The following HES7 variants were observed in gnomAD, a reference collection of about 807,000 sequenced individuals.
HES7 encodes the protein transcription factor HES-7.
In HES7, 8 loss-of-function variants were observed where a neutral mutation model predicts 18.0. The ratio of observed to expected loss-of-function variants is 0.45; its 90% CI spans 0.26 to 0.80. The LOEUF is 0.80. Ranked by LOEUF, HES7 falls within the 30% of genes least tolerant of loss-of-function variation. HES7 has a pLI of 0.18. For missense variants in HES7, 356 were observed against 340.9 expected, an observed-to-expected ratio of 1.04 and a Z score of -0.35; for synonymous variants, 170 against 158.6, an observed-to-expected ratio of 1.07 and a Z score of -0.54.
At chr17:8,125,683 TGTCCGG>T (rs113463257), upstream of HES7, among the ~76,000 whole-genome samples, 122 of 152,298 alleles carry the variant, frequency 8.0e-4, 1 homozygote, top group African/African-American at 2.9e-3. Context: ...CACCGTTGCC[TGTCCGG>T]GTCCGCCTCA....
rs1348325 is a variant in HES7 at position 8,122,394 on chromosome 17, A to G, written c.175T>C (p.Leu59=). The change falls in exon 3 of 4, where the codon TTG becomes CTG. Residue 59 remains leucine, a synonymous_variant. Transcript: ENST00000541682. This position sits in a 1 kb window ranked among gnomAD's most constrained non-coding sequence, Gnocchi z 6.9. Reference sequence around the variant, plus strand: ...CTCAAGTAGCCCACGGCGAACTCCAATATCTCCGCTTTCTCCAGCTTCGGG... The same window carrying G: ...CTCAAGTAGCCCACGGCGAACTCCAGTATCTCCGCTTTCTCCAGCTTCGGG... ...RNPKLEKAEI[L]EFAVGYLRER... 182,140 of 1,596,142 alleles carry G rather than the reference A, an allele frequency of 0.11. 13,292 individuals carry two copies. The highest frequency in any genetic ancestry group is 0.35 in the African/African-American group (25,982 of 74,316).
At position 8,122,879 on chromosome 17, in the gene HES7, T is replaced by TGGGG; in HGVS notation, c.138+148_138+151dup. ...AAGAAGATCGCGTTCTGAGAGCGAG[T>TGGGG]GGGGGTCTGGGATGGAATTCCAAAG... On this transcript the variant is annotated intron_variant, in intron 2 of 3. Transcript: ENST00000541682. This position sits in a 1 kb window ranked among gnomAD's most constrained non-coding sequence, Gnocchi z 6.9. The TGGGG allele has an allele frequency of 1.4e-6, 1 of 701,134 alleles. No homozygotes were observed. Among genetic ancestry groups the TGGGG allele is most frequent in the Non-Finnish European group, 2.6e-6 (1 of 378,242 alleles). 43.4% of individuals were successfully genotyped at this position (701,134 alleles called of 1,614,324 possible). A position where few individuals can be genotyped will look rare whatever the true frequency, so the allele number is the denominator to read the frequency against.
At chr17:8,124,807 GA>G (rs948000549), upstream of HES7, among the ~76,000 whole-genome samples, 15 of 152,204 alleles carry the variant, frequency 9.9e-5, no homozygotes, top group Admixed American at 2.6e-4. Flanking sequence ...GGTGCTCCGG[GA>G]AAAGGTCTCC....
In HES7 at chr17:8,121,491, G is replaced by T; in HGVS notation, c.*80C>A. ...TGCCCTCCCCAACACCTGCTCGCCC[G>T]GACGCCCGGGTCCCTCTGCTGCCCT... is the stretch of plus-strand genomic sequence containing the variant. On this transcript the variant is annotated 3_prime_UTR_variant, in exon 4 of 4. Coordinates refer to ENST00000541682, the MANE Select transcript of HES7 (RefSeq NM_001165967.2). 1 of 1,215,606 alleles carries T rather than the reference G, an allele frequency of 8.2e-7. No homozygotes were observed. Among genetic ancestry groups the T allele is most frequent in the South Asian group, 3.4e-5 (1 of 29,434 alleles). 75.3% of individuals were successfully genotyped at this position (1,215,606 alleles called of 1,614,324 possible). A position where few individuals can be genotyped will look rare whatever the true frequency, so the allele number is the denominator to read the frequency against.
chr17:8,122,021 C>A lies in HES7; in HGVS notation c.243G>T (p.Gly81=). The A allele has an allele frequency of 6.6e-7, 1 of 1,514,952 alleles. No individual in the cohort carries two copies. Among genetic ancestry groups the A allele is most frequent in the Non-Finnish European group, 8.8e-7 (1 of 1,139,882 alleles). 93.8% of individuals were successfully genotyped at this position (1,514,952 alleles called of 1,614,324 possible). The change falls in exon 4 of 4, where the codon GGG becomes GGT. Residue 81 remains glycine, a synonymous_variant. Coordinates refer to ENST00000541682, the MANE Select transcript of HES7 (RefSeq NM_001165967.2). This position sits in a 1 kb window ranked among gnomAD's most constrained non-coding sequence, Gnocchi z 6.9. ...CGTCCTGGACTGGGGACCGGGGAAC[C>A]CCTGGAGCCGCGGCGGCTGGTGCGG... ...RVEPPAAAAP[G]VPRSPVQDAE... is the part of the protein sequence containing the mutation.
chr17:8,121,785 C>A lies in HES7; in HGVS notation c.479G>T (p.Gly160Val). The change falls in exon 4 of 4, where the codon GGC becomes GTC. Residue 160 changes from glycine (G) to valine (V), a missense_variant. Coordinates refer to ENST00000541682, the MANE Select transcript of HES7 (RefSeq NM_001165967.2). ...TGGGGGGCGCTGGTGCAGCGCAGGGCCAAGGGCCGGTGCGGCGGGGTCCAG... is the reference window on the plus strand; with the variant it reads ...TGGGGGGCGCTGGTGCAGCGCAGGGACAAGGGCCGGTGCGGCGGGGTCCAG... The part of the protein sequence containing the change: ...PSLDPAAPAL[G>V]PALHQRPPVH... 6.4e-7 allele frequency: 1 copy of A among 1,550,982 alleles called. No homozygotes were observed. The highest frequency in any genetic ancestry group is 8.6e-7 in the Non-Finnish European group (1 of 1,160,628).
upstream of HES7, chr17:8,124,183 T>A: frequency 6.9e-7 from 1 of 1,444,056 alleles, no homozygotes. Context: ...CCCGCCCCCT[T>A]CGACATCCAG....
rs1981471426 is a variant in HES7, at chr17:8,123,513, T to C, written c.43-387A>G. 4 of 340,446 alleles carry C rather than the reference T, an allele frequency of 1.2e-5. No homozygotes were observed. Among genetic ancestry groups the C allele is most frequent in the Non-Finnish European group, 1.6e-5 (3 of 181,900 alleles). 21.1% of individuals were successfully genotyped at this position (340,446 alleles called of 1,614,324 possible). On this transcript the variant is annotated intron_variant, in intron 1 of 3. Transcript: ENST00000541682. The surrounding 1 kb of genome is among the most constrained non-coding windows in gnomAD (Gnocchi z 5.9). Reference sequence around the variant, plus strand: ...GGCTCAGACCTGGCGGCCCTGAGTATAGAAAGGGAGATACCTAGCGCGACC... The same window carrying C: ...GGCTCAGACCTGGCGGCCCTGAGTACAGAAAGGGAGATACCTAGCGCGACC...
Position 8,121,518 on chromosome 17 carries a change from G to C in HES7, c.*53C>G, listed in dbSNP as rs988929677. The C allele has an allele frequency of 7.9e-7, 1 of 1,264,842 alleles. No homozygotes were observed. Among genetic ancestry groups the C allele is most frequent in the African/African-American group, 1.6e-5 (1 of 64,322 alleles). The allele number at this position is 1,264,842 out of a possible 1,614,324, so 78.4% of individuals were successfully genotyped here. A position where few individuals can be genotyped will look rare whatever the true frequency, so the allele number is the denominator to read the frequency against. On this transcript the variant is annotated 3_prime_UTR_variant, in exon 4 of 4. Transcript: ENST00000541682. ...ACGCCCGGGTCCCTCTGCTGCCCTC[G>C]GGCTGGAGTCTCTACCCCACCCCTA...
At position 8,123,387 on chromosome 17, in the gene HES7, C is replaced by A. The variant is rs938461605; in HGVS notation, c.43-261G>T. ...CTCCTCCCCTCTCTGTGTCTCTCCT[C>A]CTCTTTTCTCTCTACGTCTCCGTCT... On this transcript the variant is annotated intron_variant, in intron 1 of 3. Transcript: ENST00000541682. The surrounding 1 kb of genome is among the most constrained non-coding windows in gnomAD (Gnocchi z 5.9). The A allele has an allele frequency of 7.0e-6, 4 of 569,984 alleles. No individual in the cohort carries two copies. The highest frequency in any genetic ancestry group is 1.3e-5 in the Non-Finnish European group (4 of 317,560). 35.3% of individuals were successfully genotyped at this position (569,984 alleles called of 1,614,324 possible). A position where few individuals can be genotyped will look rare whatever the true frequency, so the allele number is the denominator to read the frequency against.
Position 8,122,331 on chromosome 17 carries a change from C to A in HES7, c.226+12G>T. On this transcript the variant is annotated intron_variant, in intron 3 of 3. Coordinates refer to ENST00000541682, the MANE Select transcript of HES7 (RefSeq NM_001165967.2). The surrounding 1 kb of genome is among the most constrained non-coding windows in gnomAD (Gnocchi z 6.9). ...CCCTCCCTCCCTCCGCTGCCCCACC[C>A]CCGCGCTGTACCCGGGGGCTCCACC... 5 of 1,574,380 alleles carry A rather than the reference C, an allele frequency of 3.2e-6. No homozygotes were observed. Among genetic ancestry groups the A allele is most frequent in the Non-Finnish European group, 4.3e-6 (5 of 1,159,254 alleles).
chr17:8,122,765 C>T lies in HES7; in HGVS notation c.138+266G>A, dbSNP rs528809643. Among the ~76,000 whole-genome samples, 41 of 152,192 alleles carry T rather than the reference C, an allele frequency of 2.7e-4. No homozygotes were observed. The highest frequency in any genetic ancestry group is 9.1e-4 in the African/African-American group (38 of 41,536). On this transcript the variant is annotated intron_variant, in intron 2 of 3. Coordinates refer to ENST00000541682, the MANE Select transcript of HES7 (RefSeq NM_001165967.2). The surrounding 1 kb of genome is among the most constrained non-coding windows in gnomAD (Gnocchi z 6.9). The stretch of plus-strand genomic sequence containing the variant: ...TGGCTGTGGGGGAGGGGGAACCGGA[C>T]ACTTAGAGACCCAAAGGGTGAAACT...
chr17:8,121,750 C>T lies in HES7; in HGVS notation c.514G>A (p.Gly172Ser), dbSNP rs1981340739. Residue 172 changes from glycine (G) to serine (S), a missense_variant, in exon 4 of 4, where the codon GGC (glycine) becomes AGC (serine). Physicochemically the swap from Gly to Ser is moderately conservative, Grantham distance 56 (BLOSUM62 0). Coordinates refer to ENST00000541682, the MANE Select transcript of HES7 (RefSeq NM_001165967.2). ...ALHQRPPVHQ[G>S]HPSPRCAWSP... ...CATGCGCAGCGCGGGCTAGGGTGGC[C>T]CTGGTGCACTGGGGGGCGCTGGTGC... 2 of 1,480,530 alleles carry T rather than the reference C, an allele frequency of 1.4e-6. No homozygotes were observed. The highest frequency in any genetic ancestry group is 1.8e-6 in the Non-Finnish European group (2 of 1,128,330). 91.7% of individuals were successfully genotyped at this position (1,480,530 alleles called of 1,614,324 possible).
Position 8,122,346 on chromosome 17 carries a change from G to A in HES7, c.223C>T (p.Pro75Ser). The change falls in exon 3 of 4, where the codon CCG (proline) becomes TCG (serine). Residue 75 changes from proline (P) to serine (S), a missense_variant. Physicochemically the swap from Pro to Ser is moderately conservative, Grantham distance 74 (BLOSUM62 -1). Transcript: ENST00000541682. The surrounding 1 kb of genome is among the most constrained non-coding windows in gnomAD (Gnocchi z 6.9). ...CTGCCCCACCCCCGCGCTGTACCCG[G>A]GGGCTCCACCCGGCTTCGCTCCCTC... is the stretch of plus-strand genomic sequence containing the variant. Reference protein sequence around the residue: ...YLRERSRVEPPAAAAPGVPRS... With the variant: ...YLRERSRVEPSAAAAPGVPRS... The A allele has an allele frequency of 1.3e-6, 2 of 1,589,064 alleles. No individual in the cohort carries two copies. The highest frequency in any genetic ancestry group is 1.7e-6 in the Non-Finnish European group (2 of 1,167,840).
chr17:8,123,232 A>G lies in HES7; in HGVS notation c.43-106T>C. On this transcript the variant is annotated intron_variant, in intron 1 of 3. Coordinates refer to ENST00000541682, the MANE Select transcript of HES7 (RefSeq NM_001165967.2). This position sits in a 1 kb window ranked among gnomAD's most constrained non-coding sequence, Gnocchi z 5.9. ...GGAGAGCCCGGCTTCCACCCCGGCC[A>G]CAAGACCCCAGATTGCCTAGGGCCG... The G allele has an allele frequency of 1.2e-6, 1 of 847,604 alleles. No individual in the cohort carries two copies. The highest frequency in any genetic ancestry group is 1.9e-6 in the Non-Finnish European group (1 of 517,958). 52.5% of individuals were successfully genotyped at this position (847,604 alleles called of 1,614,324 possible). A position where few individuals can be genotyped will look rare whatever the true frequency, so the allele number is the denominator to read the frequency against.
chr17:8,125,440 C>G (rs754559560), upstream of HES7, among the ~76,000 whole-genome samples: 1 of 152,220 alleles, frequency 6.6e-6, no homozygotes, highest in Non-Finnish European at 1.5e-5. Flanking sequence ...AATGGGAACG[C>G]AAATGTGTGT....
In HES7 at chr17:8,122,950, G is replaced by C. The variant is rs1161838285; in HGVS notation, c.138+81C>G. ...CCTTGGGGCCAGGGTTGCCAACCAA[G>C]CTTGTGTCCCCACCCCAGTGGGAAG... On this transcript the variant is annotated intron_variant, in intron 2 of 3. Transcript: ENST00000541682. The surrounding 1 kb of genome is among the most constrained non-coding windows in gnomAD (Gnocchi z 6.9). 8.5e-7 allele frequency: 1 copy of C among 1,174,044 alleles called. No individual in the cohort carries two copies. Among genetic ancestry groups the C allele is most frequent in the Non-Finnish European group, 1.2e-6 (1 of 802,864 alleles). 72.7% of individuals were successfully genotyped at this position (1,174,044 alleles called of 1,614,324 possible). A position where few individuals can be genotyped will look rare whatever the true frequency, so the allele number is the denominator to read the frequency against.
chr17:8,121,904 G>A lies in HES7; in HGVS notation c.360C>T (p.Arg120=). The A allele has an allele frequency of 6.4e-7, 1 of 1,566,626 alleles. No homozygotes were observed. Among genetic ancestry groups the A allele is most frequent in the Non-Finnish European group, 8.6e-7 (1 of 1,167,204 alleles). ...CGTGCAGCGCGGAGAAGAGCTGGGC[G>A]CGGGCGGCCGGGCTGGCGTCGTGCG... ...AFAHDASPAA[R]AQLFSALHGY... The change falls in exon 4 of 4, where the codon CGC becomes CGT. Residue 120 remains arginine, a synonymous_variant. Coordinates refer to ENST00000541682, the MANE Select transcript of HES7 (RefSeq NM_001165967.2).
Position 8,123,932 on chromosome 17 carries a change from C to T in HES7, c.42+111G>A. 1 of 1,222,264 alleles carries T rather than the reference C, an allele frequency of 8.2e-7. No homozygotes were observed. The highest frequency in any genetic ancestry group is 1.2e-6 in the Non-Finnish European group (1 of 845,922). 75.7% of individuals were successfully genotyped at this position (1,222,264 alleles called of 1,614,324 possible). On this transcript the variant is annotated intron_variant, in intron 1 of 3. Coordinates refer to ENST00000541682, the MANE Select transcript of HES7 (RefSeq NM_001165967.2). The surrounding 1 kb of genome is among the most constrained non-coding windows in gnomAD (Gnocchi z 5.9). ...TTCTGGCTCCTGGAGTTCTGGAGCACCGCTCCCCTTCCACCCCTGCGTCCC... is the reference window on the plus strand; with the variant it reads ...TTCTGGCTCCTGGAGTTCTGGAGCATCGCTCCCCTTCCACCCCTGCGTCCC...
Sources: gnomAD v4.1 joint callset for allele counts (sites outside exome capture counted in the v4.1 genomes callset) on GRCh38, gnomAD v4.1.1 for gene constraint, Gnocchi (gnomAD v3.1) non-coding constraint, MANE v1.5 for transcripts, NCBI Gene and HGNC (gene_info 2026-07-23, HGNC 2026-07-21) for gene names.